The following CAD variants were observed in gnomAD, a reference collection of about 807,000 sequenced individuals.
CAD encodes multifunctional protein CAD.
Under a neutral mutation model 237.2 loss-of-function variants are expected in CAD, and 81 were observed. That is an observed-to-expected ratio of 0.34 (90% confidence interval 0.29 to 0.41). The LOEUF (loss-of-function observed/expected upper bound fraction) is 0.41, where lower values mean the gene tolerates loss of function less well. CAD is among the 10% of genes least tolerant of loss of function. CAD has a pLI of 1.00. For missense variants in CAD, 2,181 were observed against 2,951.7 expected (o/e 0.74, Z 6.05); for synonymous variants, 1,196 against 1,162.8 (o/e 1.03, Z -0.58).
At position 27,229,464 on chromosome 2, in the gene CAD, G is replaced by T. The variant is rs569586364; in HGVS notation, c.2288-2004G>T. ...TTTTTAATTATTATTTGTAGAGAGG[G>T]AGGTCTCACTATGTTGTGCCGGCTG... On this transcript the variant is annotated intron_variant, in intron 15 of 43. Transcript: ENST00000264705. Among the ~76,000 whole-genome samples, 4 of 151,958 alleles carry T rather than the reference G, an allele frequency of 2.6e-5. 1 individual carries two copies. In the South Asian group the frequency reaches 8.3e-4, roughly 32 times the overall value.
At position 27,241,456 on chromosome 2, in the gene CAD, G is replaced by A. The variant is rs375021898; in HGVS notation, c.5883+60G>A. 9.3e-6 allele frequency: 14 copies of A among 1,506,834 alleles called. No homozygotes were observed. The highest frequency in any genetic ancestry group is 2.3e-5 in the South Asian group (2 of 88,774). 93.3% of individuals were successfully genotyped at this position (1,506,834 alleles called of 1,614,324 possible). On this transcript the variant is annotated intron_variant, in intron 38 of 43. Coordinates refer to ENST00000264705, the MANE Select transcript of CAD (RefSeq NM_004341.5). The surrounding 1 kb of genome is among the most constrained non-coding windows in gnomAD (Gnocchi z 4.6). Reference sequence around the variant, plus strand: ...TCGCCTGCCCTTGGGCCGCATCAGCGCAGGGCCGCGCAGTGGTCAGAGTGG... The same window carrying A: ...TCGCCTGCCCTTGGGCCGCATCAGCACAGGGCCGCGCAGTGGTCAGAGTGG...
In CAD at chr2:27,234,074, G is replaced by T; in HGVS notation, c.3466G>T (p.Glu1156Ter). 2 of 1,614,174 alleles carry T rather than the reference G, an allele frequency of 1.2e-6. No homozygotes were observed. The highest frequency in any genetic ancestry group is 1.7e-6 in the Non-Finnish European group (2 of 1,180,032). ...VAAIAISEHV[E>*]NAGVHSGDAT... is the part of the protein sequence containing the mutation. ...AGCCATCGCCATCTCTGAGCATGTG[G>T]AGAATGCAGGTGTGCATTCAGGTGA... Residue 1156 changes from glutamate to a stop codon, truncating the protein, a stop_gained, in exon 22 of 44, where the codon GAG becomes TAG. Coordinates refer to ENST00000264705, the MANE Select transcript of CAD (RefSeq NM_004341.5). LOFTEE classifies it high-confidence loss of function.
At position 27,239,590 on chromosome 2, in the gene CAD, T is replaced by C. The variant is rs1399631831; in HGVS notation, c.5395-107T>C. ...GTGCACCACTGCCCTGGACCAGGGG[T>C]TGGGGGCACAGCTCCCCCAAGGTGC... On this transcript the variant is annotated intron_variant, in intron 33 of 43. Coordinates refer to ENST00000264705, the MANE Select transcript of CAD (RefSeq NM_004341.5). The surrounding 1 kb of genome is among the most constrained non-coding windows in gnomAD (Gnocchi z 4.0). 2 of 1,506,090 alleles carry C rather than the reference T, an allele frequency of 1.3e-6. No individual in the cohort carries two copies. Among genetic ancestry groups the C allele is most frequent in the East Asian group, 4.6e-5 (2 of 43,800 alleles). 93.3% of individuals were successfully genotyped at this position (1,506,090 alleles called of 1,614,324 possible).
At chr2:27,221,107 T>C (rs560851731) in intron 2 of CAD, 111 bp from the exon 3 acceptor site, 6 of 865,304 alleles carry the variant, frequency 6.9e-6, no homozygotes, top group Admixed American at 3.0e-5. Flanking sequence ...GTTTGGTATA[T>C]TGAAGGCCAT....
intron 14 of CAD, 65 bp downstream of exon 14, chr2:27,226,714 G>C: frequency 6.2e-7 from 1 of 1,606,742 alleles, no homozygotes; most frequent in Non-Finnish European, 8.5e-7. Flanking sequence ...ATATTGATGG[G>C]ACAGGGAATA....
chr2:27,222,470 C>T, intron 4 of CAD, 49 bp from the exon 5 acceptor site: 1 of 1,602,164 alleles, frequency 6.2e-7, no homozygotes, highest in Non-Finnish European at 8.5e-7. Context: ...TATCTTATAC[C>T]CACTGAGCAC....
chr2:27,217,706 C>T, intron 1 of CAD, 73 bp downstream of exon 1: 1 of 1,433,832 alleles, frequency 7.0e-7, no homozygotes, highest in Non-Finnish European at 9.4e-7. Flanking sequence ...CTTCCCCGTC[C>T]AGACCCCGCC....
At chr2:27,218,198 G>A (rs1478087345) in intron 2 of CAD, among the ~76,000 whole-genome samples, 182 bp downstream of exon 2, 1 of 152,226 alleles carries the variant, frequency 6.6e-6, no homozygotes, top group Non-Finnish European at 1.5e-5. Flanking sequence ...GCCTTGGGAG[G>A]CACAGAGTGT....
rs1397825929 is a variant in CAD, at chr2:27,242,800, G to C, written c.6378+25G>C. 6.2e-7 allele frequency: 1 copy of C among 1,614,192 alleles called. No individual in the cohort carries two copies. Among genetic ancestry groups the C allele is most frequent in the Non-Finnish European group, 8.5e-7 (1 of 1,180,016 alleles). On this transcript the variant is annotated intron_variant, in intron 41 of 43. Transcript: ENST00000264705. This position sits in a 1 kb window ranked among gnomAD's most constrained non-coding sequence, Gnocchi z 6.4. ...GGTGAGACCCTCACAGCCCTGCCTG[G>C]AAGCCATGGAGATGTGGGTTGGGCA...
At position 27,235,340 on chromosome 2, in the gene CAD, C is replaced by A; in HGVS notation, c.3882C>A (p.Ser1294Arg). 1 of 1,614,080 alleles carries A rather than the reference C, an allele frequency of 6.2e-7. No homozygotes were observed. Among genetic ancestry groups the A allele is most frequent in the Non-Finnish European group, 8.5e-7 (1 of 1,180,004 alleles). ...STGEVAGFGE[S>R]RCEAYLKAML... ...GGGAGGTGGCCGGCTTTGGGGAGAG[C>A]CGCTGTGAGGCATACCTCAAGGCCA... The change falls in exon 24 of 44, where the codon AGC (serine) becomes AGA (arginine). Residue 1294 changes from serine to arginine, a missense_variant. Physicochemically the swap from Ser to Arg is moderately radical, Grantham distance 110. Coordinates refer to ENST00000264705, the MANE Select transcript of CAD (RefSeq NM_004341.5). This position sits in a 1 kb window ranked among gnomAD's most constrained non-coding sequence, Gnocchi z 5.2.
At chr2:27,224,313 C>CT (rs767396410) in intron 8 of CAD, 32 bp from the exon 9 acceptor site, 2 of 1,613,412 alleles carry the variant, frequency 1.2e-6, no homozygotes, top group East Asian at 4.5e-5. Flanking sequence ...CAGCTCAGCT[C>CT]TAACATTCTA....
chr2:27,226,313 T>C lies in CAD; in HGVS notation c.2025T>C (p.Ser675=), dbSNP rs149857977. The C allele has an allele frequency of 6.2e-7, 1 of 1,613,966 alleles. No homozygotes were observed. The highest frequency in any genetic ancestry group is 8.5e-7 in the Non-Finnish European group (1 of 1,179,928). ...CNVQYALNPE[S]EQYYIIEVNA... ...TGCAGTATGCCTTGAACCCTGAGTC[T>C]GAGCAGGTAAGCTCTAGGCCCTGGA... The change falls in exon 13 of 44, where the codon TCT becomes TCC. Residue 675 remains serine, a synonymous_variant. Coordinates refer to ENST00000264705, the MANE Select transcript of CAD (RefSeq NM_004341.5).
In CAD at chr2:27,217,383, C is replaced by T; in HGVS notation, c.-169C>T. On this transcript the variant is annotated 5_prime_UTR_variant, in exon 1 of 44. Coordinates refer to ENST00000264705, the MANE Select transcript of CAD (RefSeq NM_004341.5). ...CGCGCCGCCGCAGTCTCTGCTGCTG[C>T]CGCCAAGCGCGCCCGAGGCTCCTAC... 4 of 633,850 alleles carry T rather than the reference C, an allele frequency of 6.3e-6. No individual in the cohort carries two copies. Among genetic ancestry groups the T allele is most frequent in the Non-Finnish European group, 8.4e-6 (3 of 356,154 alleles). 39.3% of individuals were successfully genotyped at this position (633,850 alleles called of 1,614,324 possible).
Position 27,235,186 on chromosome 2 carries a change from T to C in CAD, c.3787-59T>C. ...CACAGGGTACTGTGTCCGTCTCTGC[T>C]GGTGAGGGAGGAGGTCCTCTCACAC... is the stretch of plus-strand genomic sequence containing the variant. On this transcript the variant is annotated intron_variant, in intron 23 of 43. Coordinates refer to ENST00000264705, the MANE Select transcript of CAD (RefSeq NM_004341.5). The surrounding 1 kb of genome is among the most constrained non-coding windows in gnomAD (Gnocchi z 5.2). 1 of 1,458,612 alleles carries C rather than the reference T, an allele frequency of 6.9e-7. No homozygotes were observed. The highest frequency in any genetic ancestry group is 1.3e-5 in the South Asian group (1 of 77,044). The allele number at this position is 1,458,612 out of a possible 1,614,324, so 90.4% of individuals were successfully genotyped here. A position where few individuals can be genotyped will look rare whatever the true frequency, so the allele number is the denominator to read the frequency against.
chr2:27,234,814 G>A, intron 23 of CAD, 129 bp downstream of exon 23: 1 of 866,726 alleles, frequency 1.2e-6, no homozygotes, highest in Non-Finnish European at 1.8e-6. Context: ...GGGTAATGAG[G>A]TGGTCATTGT....
chr2:27,235,247 G>A lies in CAD; in HGVS notation c.3789G>A (p.Val1263=). The A allele has an allele frequency of 6.2e-7, 1 of 1,604,214 alleles. No individual in the cohort carries two copies. Among genetic ancestry groups the A allele is most frequent in the Non-Finnish European group, 8.5e-7 (1 of 1,174,814 alleles). The part of the protein sequence containing the change: ...MTGSGVVGVK[V]PQFSFSRLAG... ...TCTCTTCCCTCCCGCCCCTTTAGGT[G>A]CCTCAGTTCTCCTTCTCCCGCTTGG... Residue 1263 remains valine, a splice_region_variant and synonymous_variant, in exon 24 of 44, where the codon GTG becomes GTA. Transcript: ENST00000264705. This position sits in a 1 kb window ranked among gnomAD's most constrained non-coding sequence, Gnocchi z 5.2.
At position 27,225,821 on chromosome 2, in the gene CAD, C is replaced by T. The variant is rs1278598041; in HGVS notation, c.1737C>T (p.Ala579=). Residue 579 remains alanine, a synonymous_variant, in exon 12 of 44, where the codon GCC becomes GCT. Transcript: ENST00000264705. ...GGGAGGAGCTCTCTGCTCTCGTGGC[C>T]CCAGCTTTTGCCCATACCAGCCAAG... ...SNREELSALV[A]PAFAHTSQVL... The T allele has an allele frequency of 3.7e-6, 6 of 1,614,020 alleles. No individual in the cohort carries two copies. Among genetic ancestry groups the T allele is most frequent in the African/African-American group, 1.3e-5 (1 of 74,904 alleles).
Position 27,239,359 on chromosome 2 carries a change from C to T in CAD, c.5282C>T (p.Pro1761Leu), listed in dbSNP as rs1397469059. 1.2e-6 allele frequency: 2 copies of T among 1,613,982 alleles called. No homozygotes were observed. Among genetic ancestry groups the T allele is most frequent in the South Asian group, 2.2e-5 (2 of 91,082 alleles). Reference sequence around the variant, plus strand: ...GATCTGGAGCATGAGTGGACAATTCCCAGCCACATGCCCTTCTCCAAGGCC... The same window carrying T: ...GATCTGGAGCATGAGTGGACAATTCTCAGCCACATGCCCTTCTCCAAGGCC... The part of the protein sequence containing the change: ...EVDLEHEWTI[P>L]SHMPFSKAHW... Residue 1761 changes from proline to leucine, a missense_variant, in exon 33 of 44, where the codon CCC becomes CTC. Transcript: ENST00000264705. This position sits in a 1 kb window ranked among gnomAD's most constrained non-coding sequence, Gnocchi z 4.0.
Position 27,217,453 on chromosome 2 carries a change from C to T in CAD, c.-99C>T. ...CTCCAGCGCCCCGCGCCGTTAGCCACGTGGACCGACTCCGGCGCGCCGTCC... is the reference window on the plus strand; with the variant it reads ...CTCCAGCGCCCCGCGCCGTTAGCCATGTGGACCGACTCCGGCGCGCCGTCC... On this transcript the variant is annotated 5_prime_UTR_variant, in exon 1 of 44. It adds an upstream start codon to the 5' untranslated region. Transcript: ENST00000264705. 9.4e-7 allele frequency: 1 copy of T among 1,066,028 alleles called. No individual in the cohort carries two copies. Among genetic ancestry groups the T allele is most frequent in the South Asian group, 1.3e-5 (1 of 74,490 alleles). The allele number at this position is 1,066,028 out of a possible 1,614,324, so 66.0% of individuals were successfully genotyped here.
Sources: gnomAD v4.1 joint callset for allele counts (sites outside exome capture counted in the v4.1 genomes callset) on GRCh38, gnomAD v4.1.1 for gene constraint, Gnocchi (gnomAD v3.1) non-coding constraint, MANE v1.5 for transcripts, NCBI Gene and HGNC (gene_info 2026-07-23, HGNC 2026-07-21) for gene names.